SNED1: variants seen among roughly 807,000 people sequenced by gnomAD.
SNED1 encodes sushi, nidogen and EGF like domains 1.
SNED1 carries 81 observed loss-of-function variants against 166.7 expected under a neutral mutation model. That is an observed-to-expected ratio of 0.49 (90% confidence interval 0.41 to 0.58). The LOEUF (loss-of-function observed/expected upper bound fraction) is 0.58, where lower values mean the gene tolerates loss of function less well. Among genes scored for constraint, SNED1 ranks in the 20% least tolerant of loss-of-function variants. SNED1 has a pLI of 0.00. For synonymous variants in SNED1, 762 were observed against 822.0 expected, an observed-to-expected ratio of 0.93 and a Z score of 1.25; for missense variants, 1,604 against 2,000.2, an observed-to-expected ratio of 0.80 and a Z score of 3.78.
chr2:241,034,703 G>A lies in SNED1; in HGVS notation c.778G>A (p.Val260Met). 6.3e-7 allele frequency: 1 copy of A among 1,588,940 alleles called. No homozygotes were observed. Among genetic ancestry groups the A allele is most frequent in the South Asian group, 1.1e-5 (1 of 87,604 alleles). ...GGCGTTCAGAATCGATGATGCCCAG[G>A]TGCGCGTGGGGGGCTGCGGCCATAC... ...RWAFRIDDAQ[V>M]RVGGCGHTTS... The change falls in exon 4 of 32, where the codon GTG becomes ATG. Residue 260 changes from valine (V) to methionine (M), a missense_variant. Around this residue, in one of 2 missense-constraint regions of SNED1, gnomAD observed 1,237 missense variants for 1,620.8 expected, o/e 0.76. Coordinates refer to ENST00000310397, the MANE Select transcript of SNED1 (RefSeq NM_001080437.3).
chr2:241,040,054 G>A (rs375043452), intron 6 of SNED1, 21 bp from the exon 7 acceptor site: 27 of 1,544,974 alleles, frequency 1.7e-5, no homozygotes, highest in Non-Finnish European at 2.4e-5. Context: ...CCATCGTCCT[G>A]TCTACACCTC....
chr2:241,034,454 G>A (rs2061282941), intron 3 of SNED1, 114 bp from the exon 4 acceptor site: 1 of 1,007,658 alleles, frequency 9.9e-7, no homozygotes, highest in African/African-American at 1.6e-5. Flanking sequence ...CTGAGGTCAG[G>A]ACCTGGCTGG....
At chr2:241,083,668 C>T (rs989673549) in intron 29 of SNED1, among the ~76,000 whole-genome samples, 2 of 152,168 alleles carry the variant, frequency 1.3e-5, no homozygotes, top group Admixed American at 6.5e-5. Context: ...CTTAGTTACA[C>T]CAGTGCCTGC....
rs939539931 is a variant in SNED1 at position 241,093,184 on chromosome 2, A to G, written c.*1548A>G. On this transcript the variant is annotated 3_prime_UTR_variant, in exon 32 of 32. Transcript: ENST00000310397. ...GGCTCCAGACCCACTTGAGAGCAGA[A>G]GGTGGAGCTCAATGAAGGGTCTCGA... The G allele has an allele frequency of 5.9e-5, 9 of 152,650 alleles. No individual in the cohort carries two copies. Among genetic ancestry groups the G allele is most frequent in the Admixed American group, 5.9e-4 (9 of 15,282 alleles). The allele number at this position is 152,650 out of a possible 1,614,324, so 9.5% of individuals were successfully genotyped here. A position where few individuals can be genotyped will look rare whatever the true frequency, so the allele number is the denominator to read the frequency against.
chr2:241,081,561 C>T (rs1248437971), intron 27 of SNED1, 116 bp from the exon 28 acceptor site: 3 of 757,058 alleles, frequency 4.0e-6, no homozygotes, highest in Non-Finnish European at 6.8e-6. Flanking sequence ...CAGCACACCA[C>T]AGAGGAGTGC....
chr2:241,086,097 C>T (rs2063560433), intron 29 of SNED1, among the ~76,000 whole-genome samples: 1 of 152,068 alleles, frequency 6.6e-6, no homozygotes. Flanking sequence ...AAACTCCTGA[C>T]CTCAAGTGAT....
At chr2:241,016,373 A>AT (rs569262682) in intron 1 of SNED1, among the ~76,000 whole-genome samples, 1 of 151,606 alleles carries the variant, frequency 6.6e-6, no homozygotes, top group East Asian at 1.9e-4. Flanking sequence ...TTCTTTTTGT[A>AT]TTTTTTTAGT....
At chr2:241,072,791 T>G in intron 26 of SNED1, 1 of 189,658 alleles carries the variant, frequency 5.3e-6, no homozygotes, top group East Asian at 1.4e-4. Context: ...GGATATGAAG[T>G]GCCCGAGGGT....
At chr2:241,027,966 C>G (rs989856901) in intron 1 of SNED1, among the ~76,000 whole-genome samples, 3 of 152,106 alleles carry the variant, frequency 2.0e-5, no homozygotes, top group South Asian at 2.1e-4. Flanking sequence ...ATCTCCTGAC[C>G]TCGTGATCCA....
At position 241,067,941 on chromosome 2, in the gene SNED1, C is replaced by T; in HGVS notation, c.3188C>T (p.Thr1063Ile). 2 of 1,607,044 alleles carry T rather than the reference C, an allele frequency of 1.2e-6. No individual in the cohort carries two copies. Among genetic ancestry groups the T allele is most frequent in the Non-Finnish European group, 1.7e-6 (2 of 1,174,744 alleles). ...GTGGACAGGAGTGTGGACAGGTTCACCTTTAGGTAAGAAGGGACACCCAGA... is the reference window on the plus strand; with the variant it reads ...GTGGACAGGAGTGTGGACAGGTTCATCTTTAGGTAAGAAGGGACACCCAGA... ...TDVDRSVDRFTFRALLPGKRY... is the reference protein window; with the variant it reads ...TDVDRSVDRFIFRALLPGKRY... The change falls in exon 22 of 32, where the codon ACC becomes ATC. Residue 1063 changes from threonine (T) to isoleucine (I), a missense_variant. By Grantham distance (89) the Thr-to-Ile change is moderately conservative (BLOSUM62 -1). Coordinates refer to ENST00000310397, the MANE Select transcript of SNED1 (RefSeq NM_001080437.3).
intron 1 of SNED1, among the ~76,000 whole-genome samples, chr2:241,007,864 C>G (rs1466874557): frequency 1.3e-5 from 2 of 152,194 alleles, no homozygotes; most frequent in Non-Finnish European, 2.9e-5. Flanking sequence ...GTGTTTCAGT[C>G]TCCTGAATCG....
At chr2:241,089,267 TATA>T in intron 31 of SNED1, 1 of 1,543,506 alleles carries the variant, frequency 6.5e-7, no homozygotes, top group Non-Finnish European at 8.7e-7. Context: ...TCCTGCCCCT[TATA>T]GGAGCCCTCA....
intron 17 of SNED1, chr2:241,063,240 A>G: frequency 2.1e-6 from 1 of 478,852 alleles, no homozygotes; most frequent in Non-Finnish European, 3.8e-6. Flanking sequence ...TGAGCCCTGC[A>G]CACTCTTGTA....
At position 240,998,946 on chromosome 2, in the gene SNED1, G is replaced by A. The variant is rs1029030268; in HGVS notation, c.109G>A (p.Glu37Lys). 72 of 1,293,956 alleles carry A rather than the reference G, an allele frequency of 5.6e-5. No individual in the cohort carries two copies. The highest frequency in any genetic ancestry group is 6.9e-5 in the Non-Finnish European group (70 of 1,019,078). 80.2% of individuals were successfully genotyped at this position (1,293,956 alleles called of 1,614,324 possible). ...TGCCGACTTCTACCCGTTCGGCGCCGAGCGCGGCGACGCCGTCACCCCCAA... is the reference window on the plus strand; with the variant it reads ...TGCCGACTTCTACCCGTTCGGCGCCAAGCGCGGCGACGCCGTCACCCCCAA... ...ALADFYPFGA[E>K]RGDAVTPKQD... The change falls in exon 1 of 32, where the codon GAG becomes AAG. Residue 37 changes from glutamate to lysine, a missense_variant. Glu to Lys is a moderately conservative substitution (Grantham distance 56). Coordinates refer to ENST00000310397, the MANE Select transcript of SNED1 (RefSeq NM_001080437.3).
intron 4 of SNED1, 23 bp from the exon 5 acceptor site, chr2:241,036,767 C>G: frequency 1.9e-6 from 3 of 1,604,374 alleles, no homozygotes; most frequent in Non-Finnish European, 2.5e-6. Flanking sequence ...GGCTGAGGCT[C>G]CAGCCCCTCC....
At chr2:241,079,602 T>C (rs1463113877) in intron 27 of SNED1, among the ~76,000 whole-genome samples, 2 of 152,260 alleles carry the variant, frequency 1.3e-5, no homozygotes, top group East Asian at 3.9e-4. Flanking sequence ...CTTCTCTGAA[T>C]GAACCTTGTT....
intron 27 of SNED1, among the ~76,000 whole-genome samples, chr2:241,081,468 G>A (rs1336234474): frequency 3.3e-5 from 5 of 152,170 alleles, no homozygotes; most frequent in Admixed American, 6.5e-5. Flanking sequence ...AGCACACTGC[G>A]GCCTGTCTCC....
chr2:241,039,290 G>A (rs952845848), intron 6 of SNED1, among the ~76,000 whole-genome samples: 5 of 152,184 alleles, frequency 3.3e-5, no homozygotes, highest in African/African-American at 1.2e-4. Flanking sequence ...TCCTGGGGGA[G>A]TAGTCAGGCC....
Position 241,073,256 on chromosome 2 carries a change from C to T in SNED1, c.3818-10C>T. The stretch of plus-strand genomic sequence containing the variant: ...GCTGCGCCGTGTGGTCACCGCCTGG[C>T]TTCTCCTAGAACCCACAGCCTCGGC... On this transcript the variant is annotated splice_polypyrimidine_tract_variant and intron_variant, in intron 26 of 31. Transcript: ENST00000310397. The surrounding 1 kb of genome is among the most constrained non-coding windows in gnomAD (Gnocchi z 6.6). 7.1e-6 allele frequency: 11 copies of T among 1,549,580 alleles called. No homozygotes were observed. Among genetic ancestry groups the T allele is most frequent in the Non-Finnish European group, 9.6e-6 (11 of 1,145,246 alleles).
Sources: allele counts gnomAD v4.1 joint callset (sites outside exome capture counted in the v4.1 genomes callset), GRCh38; gene constraint gnomAD v4.1.1; regional missense constraint gnomAD v4.1.1; non-coding constraint Gnocchi (gnomAD v3.1); transcripts MANE v1.5; gene names NCBI Gene and HGNC (gene_info 2026-07-23, HGNC 2026-07-21).